Variants in HPSE observed in about 807,000 individuals in gnomAD.
The protein encoded by HPSE is heparanase, also known as endo-glucoronidase.
A neutral mutation model predicts 65.1 loss-of-function variants in HPSE; 48 were observed. The observed-to-expected ratio is 0.74, with a 90% confidence interval of 0.58 to 0.94. The LOEUF (loss-of-function observed/expected upper bound fraction) is 0.94. HPSE is among the 40% of genes least tolerant of loss of function. The probability of loss-of-function intolerance (pLI) is 0.00; values close to 1 mark genes in which losing one functional copy is unlikely to be tolerated. For missense variants in HPSE, 644 were observed against 637.5 expected, an observed-to-expected ratio of 1.01 and a Z score of -0.11; for synonymous variants, 243 against 260.0, an observed-to-expected ratio of 0.93 and a Z score of 0.63.
chr4:83,333,395 G>A (rs1467557118), intron 1 of HPSE, among the ~76,000 whole-genome samples: 1 of 152,172 alleles, frequency 6.6e-6, no homozygotes, highest in African/African-American at 2.4e-5. Flanking sequence ...AGCCAGGATG[G>A]TCTGTCCATC....
chr4:83,316,345 A>AC (rs1484276620), intron 3 of HPSE, among the ~76,000 whole-genome samples: 28 of 75,166 alleles, frequency 3.7e-4, no homozygotes, highest in Admixed American at 1.2e-3. Context: ...TTTAAAAAAA[A>AC]AAAACAAAAA....
chr4:83,328,880 G>T (rs1737254294), intron 1 of HPSE, among the ~76,000 whole-genome samples: 1 of 152,060 alleles, frequency 6.6e-6, no homozygotes, highest in Non-Finnish European at 1.5e-5. Flanking sequence ...CGGGATTCAG[G>T]GCAGAAATGG....
chr4:83,310,342 T>C (rs1190563133), intron 5 of HPSE, among the ~76,000 whole-genome samples: 1 of 148,948 alleles, frequency 6.7e-6, no homozygotes, highest in Non-Finnish European at 1.5e-5. Flanking sequence ...CTATTGAGGA[T>C]TGTCTACCAG....
chr4:83,302,020 T>C, intron 10 of HPSE, 130 bp downstream of exon 10: 1 of 539,064 alleles, frequency 1.9e-6, no homozygotes, highest in Non-Finnish European at 3.3e-6. Flanking sequence ...AATCGTTGTA[T>C]AAAACTTTAC....
At chr4:83,332,189 A>C (rs1010784517) in intron 1 of HPSE, among the ~76,000 whole-genome samples, 3 of 152,214 alleles carry the variant, frequency 2.0e-5, no homozygotes, top group Non-Finnish European at 2.9e-5. Flanking sequence ...AACTGTAATA[A>C]ATTAAACAAC....
intron 8 of HPSE, among the ~76,000 whole-genome samples, chr4:83,307,199 A>G (rs1578009414): frequency 6.6e-6 from 1 of 152,198 alleles, no homozygotes; most frequent in Non-Finnish European, 1.5e-5. Context: ...CTCTGCATAA[A>G]TTACTCTTTC....
intron 4 of HPSE, among the ~76,000 whole-genome samples, chr4:83,312,478 C>A (rs924102008): frequency 2.6e-5 from 4 of 151,510 alleles, no homozygotes; most frequent in African/African-American, 9.7e-5. Flanking sequence ...GAGATAGAGA[C>A]CATCCTGGCT....
chr4:83,304,221 T>G (rs528807917), intron 9 of HPSE, among the ~76,000 whole-genome samples: 49 of 152,172 alleles, frequency 3.2e-4, no homozygotes, highest in Non-Finnish European at 5.4e-4. Flanking sequence ...GTATGTAATA[T>G]AGATTCTTCT....
rs1319182478 is a variant in HPSE, at chr4:83,316,449, C to G, written c.499+2895G>C. Among the ~76,000 whole-genome samples, 4 of 152,164 alleles carry G rather than the reference C, an allele frequency of 2.6e-5. No homozygotes were observed. The East Asian group carries it at 7.7e-4, about 29-fold the overall frequency. On this transcript the variant is annotated intron_variant, in intron 3 of 11. Coordinates refer to ENST00000311412, the MANE Select transcript of HPSE (RefSeq NM_001098540.3). ...TATCTTATTCCCAATCCTTTCCAGA[C>G]TCTCATCTCTTACTGTATAAAGAGT...
chr4:83,313,043 A>AAAAAG (rs1736475721), intron 4 of HPSE, 71 bp downstream of exon 4: 4 of 1,006,790 alleles, frequency 4.0e-6, no homozygotes, highest in South Asian at 1.7e-5. Context: ...AAAAAAAAAG[A>AAAAAG]AAAAGAAAAG....
At chr4:83,300,595 ACGAGG>A in intron 11 of HPSE, among the ~76,000 whole-genome samples, 1 of 23,598 alleles carries the variant, frequency 4.2e-5, no homozygotes. Flanking sequence ...CGGGCAGATC[ACGAGG>A]TCAGGAGATC....
intron 2 of HPSE, among the ~76,000 whole-genome samples, chr4:83,321,890 ACC>A (rs1736907081): frequency 6.6e-6 from 1 of 151,180 alleles, no homozygotes; most frequent in African/African-American, 2.4e-5. Flanking sequence ...ACGCGATTCT[ACC>A]CACTTGCTCC....
Position 83,306,255 on chromosome 4 carries a change from A to G in HPSE, c.1154T>C (p.Phe385Ser). The change falls in exon 9 of 12, where the codon TTC becomes TCC. Residue 385 changes from phenylalanine to serine, a missense_variant. Phe to Ser is a radical substitution (Grantham distance 155). Transcript: ENST00000311412. ...MGIEVVMRQV[F>S]FGAGNYHLVD... is the part of the protein sequence containing the mutation. ...TAAATGGTAGTTTCCTGCTCCAAAG[A>G]ATACTTGCCTCATCACCACTTCTAT... 6.2e-7 allele frequency: 1 copy of G among 1,613,924 alleles called. No individual in the cohort carries two copies. The highest frequency in any genetic ancestry group is 8.5e-7 in the Non-Finnish European group (1 of 1,179,818).
At chr4:83,328,898 A>C (rs1737255460) in intron 1 of HPSE, among the ~76,000 whole-genome samples, 1 of 152,270 alleles carries the variant, frequency 6.6e-6, no homozygotes, top group East Asian at 1.9e-4. Context: ...TGGAAGAAGC[A>C]GACTGAGATC....
chr4:83,324,113 CTTTTTTT>C (rs398051210), intron 1 of HPSE, among the ~76,000 whole-genome samples: 5 of 74,752 alleles, frequency 6.7e-5, no homozygotes, highest in East Asian at 4.0e-4. Context: ...TCTTCTTCTT[CTTTTTTT>C]TTTTTTTTTT....
At chr4:83,301,189 AT>A in intron 10 of HPSE, 83 bp from the exon 11 acceptor site, 1 of 827,690 alleles carries the variant, frequency 1.2e-6, no homozygotes. Context: ...GATCCTAAGT[AT>A]TAGTATCCAT....
Position 83,308,875 on chromosome 4 carries a change from A to G in HPSE, c.1061T>C (p.Leu354Ser). The change falls in exon 8 of 12, where the codon TTG becomes TCG. Residue 354 changes from leucine (L) to serine (S), a missense_variant. Leu to Ser is a moderately radical substitution (Grantham distance 145, BLOSUM62 -2). Transcript: ENST00000311412. Reference protein sequence around the residue: ...TSSAYGGGAPLLSDTFAAGFM... With the variant: ...TSSAYGGGAPSLSDTFAAGFM... The stretch of plus-strand genomic sequence containing the variant: ...GCCAGCTGCAAAGGTGTCGGATAGC[A>G]AGGGCGCTCCGCCTCCATATGCAGA... 3 of 1,614,076 alleles carry G rather than the reference A, an allele frequency of 1.9e-6. No individual in the cohort carries two copies. Among genetic ancestry groups the G allele is most frequent in the Non-Finnish European group, 2.5e-6 (3 of 1,179,984 alleles).
At chr4:83,304,608 T>G (rs1341048377) in intron 9 of HPSE, among the ~76,000 whole-genome samples, 2 of 152,146 alleles carry the variant, frequency 1.3e-5, no homozygotes, top group Admixed American at 6.5e-5. Context: ...GGATGATCAC[T>G]TGAGCCCAGG....
intron 1 of HPSE, among the ~76,000 whole-genome samples, chr4:83,330,588 C>T (rs1203890254): frequency 1.3e-5 from 2 of 152,196 alleles, no homozygotes; most frequent in Non-Finnish European, 2.9e-5. Context: ...TGAAAAGCAA[C>T]TCTGTCTATG....
Sources: gnomAD v4.1 joint callset for allele counts (sites outside exome capture counted in the v4.1 genomes callset) on GRCh38, gnomAD v4.1.1 for gene constraint, MANE v1.5 for transcripts, NCBI Gene and HGNC (gene_info 2026-07-23, HGNC 2026-07-21) for gene names.